The following TUSC3 variants were observed in gnomAD, a reference collection of about 807,000 sequenced individuals.
TUSC3 encodes the protein dolichyl-diphosphooligosaccharide--protein glycosyltransferase subunit TUSC3.
Under a neutral mutation model 44.8 loss-of-function variants are expected in TUSC3, and 45 were observed. The ratio of observed to expected loss-of-function variants is 1.00; its 90% confidence interval spans 0.79 to 1.29. TUSC3 has a LOEUF of 1.29. TUSC3 is among the 50% of genes most tolerant of loss of function. The pLI is 0.00. For missense variants in TUSC3, 519 were observed against 437.9 expected, an observed-to-expected ratio of 1.19 and a Z score of -1.65; for synonymous variants, 212 against 152.9, an observed-to-expected ratio of 1.39 and a Z score of -2.85.
intron 5 of TUSC3, among the ~76,000 whole-genome samples, chr8:15,672,463 A>C (rs913582056): frequency 1.3e-5 from 2 of 152,056 alleles, no homozygotes; most frequent in African/African-American, 4.8e-5. Context: ...CTCATGCTAT[A>C]GATAGGAAAC....
At chr8:15,518,719 T>C (rs142652234) in intron 2 of TUSC3, among the ~76,000 whole-genome samples, 16 of 152,302 alleles carry the variant, frequency 1.1e-4, no homozygotes, top group African/African-American at 3.6e-4. Flanking sequence ...CTTACTGTCA[T>C]TAATGGTTTA....
At chr8:15,590,745 C>T (rs1803796430) in intron 1 of TUSC3, among the ~76,000 whole-genome samples, 1 of 151,598 alleles carries the variant, frequency 6.6e-6, no homozygotes, top group African/African-American at 2.4e-5. Context: ...AATCTTGGCT[C>T]ATTGTTGCCT....
At chr8:15,521,734 G>C (rs1364382566) in intron 2 of TUSC3, among the ~76,000 whole-genome samples, 1 of 152,174 alleles carries the variant, frequency 6.6e-6, no homozygotes, top group African/African-American at 2.4e-5. Flanking sequence ...TAGGCCTTCT[G>C]AGGCACTTTA....
the TUSC3 span, among the ~76,000 whole-genome samples, chr8:15,819,340 T>C: frequency 6.6e-6 from 1 of 151,962 alleles, no homozygotes. Context: ...AATGAAATAT[T>C]TCACTCTTCC....
At chr8:15,655,618 C>T (rs114246718) in intron 3 of TUSC3, among the ~76,000 whole-genome samples, 35 of 152,160 alleles carry the variant, frequency 2.3e-4, no homozygotes, top group Admixed American at 4.6e-4. Context: ...TTTAAATAAA[C>T]GTCACTCCTG....
At chr8:15,428,193 C>G (rs1430929291) in intron 1 of TUSC3, among the ~76,000 whole-genome samples, 1 of 138,502 alleles carries the variant, frequency 7.2e-6, no homozygotes, top group Non-Finnish European at 1.5e-5. Flanking sequence ...TTGTTCAATT[C>G]CCACCTATGA....
downstream of TUSC3, among the ~76,000 whole-genome samples, chr8:15,769,663 T>A (rs578065004): frequency 6.6e-6 from 1 of 152,064 alleles, no homozygotes; most frequent in Non-Finnish European, 1.5e-5. Flanking sequence ...TGGGAAAAAA[T>A]TTGTGCAATC....
chr8:15,540,664 T>C (rs2129132546), intron 1 of TUSC3, 96 bp downstream of exon 1: 1 of 1,416,472 alleles, frequency 7.1e-7, no homozygotes, highest in Non-Finnish European at 9.3e-7. Flanking sequence ...GGCAGCCTGG[T>C]CGCCGGCGTG....
At chr8:15,525,501 T>A (rs1402790228) in intron 2 of TUSC3, among the ~76,000 whole-genome samples, 1 of 152,256 alleles carries the variant, frequency 6.6e-6, no homozygotes, top group Non-Finnish European at 1.5e-5. Context: ...TTTTAATGTA[T>A]AATATGGCAA....
At chr8:15,540,127 G>A (rs886062760), upstream of TUSC3, 1 of 367,324 alleles carries the variant, frequency 2.7e-6, no homozygotes. Flanking sequence ...CCTCTCCTCA[G>A]CGCTGGTCCG....
chr8:15,712,109 G>T (rs574128795), intron 6 of TUSC3, among the ~76,000 whole-genome samples: 4 of 151,752 alleles, frequency 2.6e-5, no homozygotes, highest in Non-Finnish European at 4.4e-5. Context: ...AGTATTTTCA[G>T]AAAGTACAAT....
At chr8:15,745,830 A>AGACTT (rs1232598730) in intron 8 of TUSC3, among the ~76,000 whole-genome samples, 3 of 151,810 alleles carry the variant, frequency 2.0e-5, no homozygotes, top group Admixed American at 6.6e-5. Flanking sequence ...TTGCCTTTGG[A>AGACTT]GACTTAGTAA....
intron 2 of TUSC3, among the ~76,000 whole-genome samples, chr8:15,648,753 A>AAAAAAAAAAAAAAC: frequency 6.8e-6 from 1 of 148,068 alleles, no homozygotes; most frequent in Non-Finnish European, 1.5e-5. Context: ...AAAAAAAAAA[A>AAAAAAAAAAAAAAC]AAAGACATCT....
intron 2 of TUSC3, among the ~76,000 whole-genome samples, chr8:15,495,379 T>C (rs999196363): frequency 9.9e-5 from 15 of 152,210 alleles, no homozygotes; most frequent in Admixed American, 2.6e-4. Flanking sequence ...CAATTATTTA[T>C]CTTCCTAGTA....
chr8:15,754,485 C>G (rs757863290), intron 9 of TUSC3, among the ~76,000 whole-genome samples: 5 of 152,180 alleles, frequency 3.3e-5, no homozygotes, highest in Non-Finnish European at 7.4e-5. Context: ...TCTTGGAAAG[C>G]TTCCTACTTC....
intron 6 of TUSC3, among the ~76,000 whole-genome samples, chr8:15,676,810 A>G (rs756376061): frequency 6.6e-6 from 1 of 152,166 alleles, no homozygotes; most frequent in Admixed American, 6.5e-5. Context: ...TGTAATTTTG[A>G]CTTCCTGCAT....
intron 2 of TUSC3, among the ~76,000 whole-genome samples, chr8:15,526,088 A>G (rs1418682534): frequency 2.0e-5 from 3 of 151,830 alleles, no homozygotes; most frequent in African/African-American, 7.3e-5. Flanking sequence ...GCTGGAGTGC[A>G]GTGGCACCAT....
At chr8:15,776,715 A>G in the TUSC3 span, among the ~76,000 whole-genome samples, 3 of 152,176 alleles carry the variant, frequency 2.0e-5, no homozygotes, top group East Asian at 5.8e-4. Context: ...ATTATCACTT[A>G]AGTAACTTTA....
chr8:15,431,603 A>G (rs922003294), intron 1 of TUSC3, among the ~76,000 whole-genome samples: 1 of 148,640 alleles, frequency 6.7e-6, no homozygotes, highest in South Asian at 2.1e-4. Flanking sequence ...TATATATAGG[A>G]TTATGTCTTG....
Sources: gnomAD v4.1 joint callset for allele counts (sites outside exome capture counted in the v4.1 genomes callset) on GRCh38, gnomAD v4.1.1 for gene constraint, MANE v1.5 for transcripts, NCBI Gene and HGNC (gene_info 2026-07-23, HGNC 2026-07-21) for gene names.